NT5DC3: variants seen among roughly 807,000 people sequenced by gnomAD.
NT5DC3 encodes the protein 5'-nucleotidase domain containing 3.
In NT5DC3, 42 loss-of-function variants were observed where a neutral mutation model predicts 67.8. The ratio of observed to expected loss-of-function variants is 0.62; its 90% confidence interval spans 0.48 to 0.80. The LOEUF (loss-of-function observed/expected upper bound fraction) is 0.80. Among genes scored for constraint, NT5DC3 ranks in the 30% least tolerant of loss-of-function variants. NT5DC3 has a pLI of 0.00. For missense variants in NT5DC3, 570 were observed against 696.4 expected, an observed-to-expected ratio of 0.82 and a Z score of 2.04; for synonymous variants, 237 against 255.6, an observed-to-expected ratio of 0.93 and a Z score of 0.69.
intron 1 of NT5DC3, among the ~76,000 whole-genome samples, chr12:103,833,244 G>A (rs956622127): frequency 5.9e-5 from 9 of 152,190 alleles, no homozygotes; most frequent in African/African-American, 1.9e-4. Flanking sequence ...CACTAGCTCC[G>A]AAGCTAGCTC....
At chr12:103,756,991 G>A in the NT5DC3 span, among the ~76,000 whole-genome samples, 4 of 29,270 alleles carry the variant, frequency 1.4e-4, no homozygotes, top group Non-Finnish European at 2.2e-4. Flanking sequence ...CCCAGAAGGA[G>A]GGAAAATATA....
At chr12:103,766,188 C>T (rs1303217789), downstream of NT5DC3, 1 of 1,484,654 alleles carries the variant, frequency 6.7e-7, no homozygotes, top group Admixed American at 1.7e-5. Context: ...TCACAGTGCT[C>T]AGGGAGAGTC....
intron 1 of NT5DC3, among the ~76,000 whole-genome samples, chr12:103,839,610 C>T (rs1258168397): frequency 6.6e-6 from 1 of 151,524 alleles, no homozygotes; most frequent in African/African-American, 2.4e-5. Context: ...AAAAAAAAAA[C>T]TTTCCTGCCC....
downstream of NT5DC3, among the ~76,000 whole-genome samples, chr12:103,767,225 A>G (rs1261505178): frequency 6.6e-6 from 1 of 152,234 alleles, no homozygotes; most frequent in Non-Finnish European, 1.5e-5. Flanking sequence ...TGGTATTCCA[A>G]ACAATAAAAC....
chr12:103,747,441 G>A, the NT5DC3 span, among the ~76,000 whole-genome samples: 1 of 152,108 alleles, frequency 6.6e-6, no homozygotes, highest in African/African-American at 2.4e-5. Context: ...CTTTTATCTT[G>A]TGGCTCTGCC....
downstream of NT5DC3, chr12:103,766,095 A>AAAAC: frequency 1.4e-6 from 1 of 739,280 alleles, no homozygotes; most frequent in Middle Eastern, 2.3e-4. Context: ...AGGAGAGACT[A>AAAAC]AAACAGGTGG....
chr12:103,806,998 C>T, intron 2 of NT5DC3, 69 bp from the exon 3 acceptor site: 1 of 921,508 alleles, frequency 1.1e-6, no homozygotes, highest in Non-Finnish European at 1.8e-6. Flanking sequence ...CCAGATCTGG[C>T]CCTTGTACAA....
intron 2 of NT5DC3, among the ~76,000 whole-genome samples, chr12:103,814,333 G>A (rs1469999): frequency 0.23 from 35,471 of 152,104 alleles, 4,509 homozygotes; most frequent in South Asian, 0.41. Flanking sequence ...ACCTGTCTGA[G>A]ATGGAGAGCT....
At chr12:103,746,792 C>A in the NT5DC3 span, 1 of 1,350,736 alleles carries the variant, frequency 7.4e-7, no homozygotes, top group Non-Finnish European at 1.1e-6. Flanking sequence ...TCATCCTAGC[C>A]CTCCTTCCTG....
chr12:103,748,961 A>G, the NT5DC3 span: 1 of 1,612,194 alleles, frequency 6.2e-7, no homozygotes, highest in Non-Finnish European at 8.5e-7. Flanking sequence ...CTGCTCTTGC[A>G]GTTGTGGATT....
At chr12:103,825,987 G>A (rs1887679417) in intron 1 of NT5DC3, among the ~76,000 whole-genome samples, 1 of 152,146 alleles carries the variant, frequency 6.6e-6, no homozygotes, top group East Asian at 1.9e-4. Flanking sequence ...GGAAAATAAG[G>A]CTAAGCAGCA....
intron 2 of NT5DC3, among the ~76,000 whole-genome samples, chr12:103,810,801 A>G (rs1346358164): frequency 6.6e-6 from 1 of 152,170 alleles, no homozygotes; most frequent in African/African-American, 2.4e-5. Context: ...CTGGGTAATT[A>G]CAGGTCTCAG....
At position 103,777,969 on chromosome 12, in the gene NT5DC3, A is replaced by T; in HGVS notation, c.1507T>A (p.Ser503Thr). 1 of 1,614,194 alleles carries T rather than the reference A, an allele frequency of 6.2e-7. No individual in the cohort carries two copies. The highest frequency in any genetic ancestry group is 2.2e-5 in the East Asian group (1 of 44,874). ...TCATAGTTCAGGAGGCAGCTCAGAG[A>T]CGCCATGTAGATGTCAGCGAAGCGC... is the stretch of plus-strand genomic sequence containing the variant. ...LSRFADIYMA[S>T]LSCLLNYDVS... Residue 503 changes from serine (S) to threonine (T), a missense_variant, in exon 14 of 14, where the codon TCT becomes ACT. Physicochemically the swap from Ser to Thr is moderately conservative, Grantham distance 58. Transcript: ENST00000392876.
At chr12:103,771,962 C>T (rs2139284273), downstream of NT5DC3, among the ~76,000 whole-genome samples, 1 of 152,072 alleles carries the variant, frequency 6.6e-6, no homozygotes, top group South Asian at 2.1e-4. Flanking sequence ...CACAGGTACA[C>T]AAAGGCAGGT....
chr12:103,755,702 TC>T, the NT5DC3 span: 1 of 1,614,076 alleles, frequency 6.2e-7, no homozygotes, highest in Non-Finnish European at 8.5e-7. Context: ...TTCCCCTCAC[TC>T]ACAAACTTCC....
chr12:103,751,621 A>G, the NT5DC3 span, among the ~76,000 whole-genome samples: 1 of 152,182 alleles, frequency 6.6e-6, no homozygotes, highest in Non-Finnish European at 1.5e-5. Context: ...GGGGATAAAA[A>G]TGCACAGCTG....
chr12:103,826,188 G>C (rs950449877), intron 1 of NT5DC3, among the ~76,000 whole-genome samples: 1 of 152,064 alleles, frequency 6.6e-6, no homozygotes, highest in Non-Finnish European at 1.5e-5. Context: ...TCCTCTCCAG[G>C]GAATCTTTGA....
chr12:103,779,044 CGTTTTACAAG>C (rs1566097169), intron 13 of NT5DC3, among the ~76,000 whole-genome samples: 1 of 152,132 alleles, frequency 6.6e-6, no homozygotes, highest in East Asian at 1.9e-4. Flanking sequence ...ATCAAGACCC[CGTTTTACAAG>C]GTTATTGTGA....
At chr12:103,819,770 T>C (rs1887415786) in intron 1 of NT5DC3, 1 of 152,260 alleles carries the variant, frequency 6.6e-6, no homozygotes, top group Non-Finnish European at 1.5e-5. Context: ...TGTTTTTTAT[T>C]GTGGCAAAAT....
Sources: gnomAD v4.1 joint callset for allele counts (sites outside exome capture counted in the v4.1 genomes callset) on GRCh38, gnomAD v4.1.1 for gene constraint, MANE v1.5 for transcripts, NCBI Gene and HGNC (gene_info 2026-07-23, HGNC 2026-07-21) for gene names.